The following PGRMC2 variants were observed in gnomAD, a reference collection of about 807,000 sequenced individuals.
PGRMC2 encodes the protein progesterone receptor membrane component 2.
A neutral mutation model predicts 19.3 loss-of-function variants in PGRMC2; 9 were observed. The ratio of observed to expected loss-of-function variants is 0.47; its 90% CI spans 0.28 to 0.81. The LOEUF (loss-of-function observed/expected upper bound fraction) is 0.81, where lower values mean the gene tolerates loss of function less well. PGRMC2 is among the 40% of genes least tolerant of loss of function. The probability of loss-of-function intolerance (pLI) is 0.11; values close to 1 mark genes in which losing one functional copy is unlikely to be tolerated. For missense variants in PGRMC2, 289 were observed against 297.3 expected (o/e 0.97, Z 0.21); for synonymous variants, 157 against 124.6 (o/e 1.26, Z -1.73).
chr4:128,282,805 A>T (rs1208042422), intron 1 of PGRMC2, among the ~76,000 whole-genome samples: 1 of 152,356 alleles, frequency 6.6e-6, no homozygotes, highest in East Asian at 1.9e-4. Context: ...TCTGCAAACT[A>T]AAGTGTTAAA....
At chr4:128,284,605 A>G (rs993128899) in intron 1 of PGRMC2, among the ~76,000 whole-genome samples, 1 of 151,744 alleles carries the variant, frequency 6.6e-6, no homozygotes, top group Non-Finnish European at 1.5e-5. Flanking sequence ...GAACTTTAAA[A>G]ATGTATGACT....
chr4:128,287,544 C>G lies in PGRMC2; in HGVS notation c.247G>C (p.Gly83Arg), dbSNP rs1300786190. Reference protein sequence around the residue: ...VRWGRRGLGAGAGAGEESPAT... With the variant: ...VRWGRRGLGARAGAGEESPAT... ...GGGCTCTCCTCGCCCGCCCCGGCCC[C>G]GGCCCCCAGACCCCGCCGCCCCCAG... The change falls in exon 1 of 3, where the codon GGG becomes CGG. Residue 83 changes from glycine to arginine, a missense_variant. Physicochemically the swap from Gly to Arg is moderately radical, Grantham distance 125. Coordinates refer to ENST00000296425, the MANE Select transcript of PGRMC2 (RefSeq NM_006320.6). The G allele has an allele frequency of 1.3e-6, 2 of 1,546,544 alleles. No homozygotes were observed. Among genetic ancestry groups the G allele is most frequent in the Non-Finnish European group, 1.7e-6 (2 of 1,146,004 alleles).
chr4:128,285,348 C>A (rs538516716), intron 1 of PGRMC2, among the ~76,000 whole-genome samples: 1 of 152,118 alleles, frequency 6.6e-6, no homozygotes, highest in Non-Finnish European at 1.5e-5. Context: ...AGGCTGGTTT[C>A]GAACTCCTGA....
intron 2 of PGRMC2, 68 bp downstream of exon 2, chr4:128,272,294 G>C (rs1007520718): frequency 2.1e-6 from 2 of 956,392 alleles, no homozygotes; most frequent in Non-Finnish European, 2.9e-6. Context: ...CTTAAAGCAT[G>C]TAAAATAGTA....
chr4:128,280,111 A>G (rs1040411209), intron 1 of PGRMC2, among the ~76,000 whole-genome samples: 1 of 152,170 alleles, frequency 6.6e-6, no homozygotes, highest in Admixed American at 6.5e-5. Flanking sequence ...TAATAAGTTC[A>G]CAATAAAAAA....
In PGRMC2 at chr4:128,279,418, T is replaced by C. The variant is rs1412176161; in HGVS notation, c.419-6901A>G. Among the ~76,000 whole-genome samples the C allele has an allele frequency of 3.3e-5, 5 of 152,244 alleles. No individual in the cohort carries two copies. In the East Asian group the frequency reaches 9.6e-4, roughly 29 times the overall value. ...TTAATACCACGTTTTTGGCAAGAAG[T>C]GAGAAACAGGCATTTTCATCAAGTG... On this transcript the variant is annotated intron_variant, in intron 1 of 2. Transcript: ENST00000296425.
chr4:128,285,109 C>T (rs1390035557), intron 1 of PGRMC2, among the ~76,000 whole-genome samples: 1 of 151,912 alleles, frequency 6.6e-6, no homozygotes, highest in African/African-American at 2.4e-5. Flanking sequence ...AAAAAGCAAT[C>T]TACCACCTAT....
At chr4:128,271,465 T>C (rs777433889) in intron 2 of PGRMC2, 52 bp from the exon 3 acceptor site, 1 of 882,332 alleles carries the variant, frequency 1.1e-6, no homozygotes, top group South Asian at 1.4e-5. Flanking sequence ...GTTTCACTAT[T>C]CCATTATACA....
intron 1 of PGRMC2, among the ~76,000 whole-genome samples, chr4:128,280,859 A>C (rs1031064864): frequency 6.6e-6 from 1 of 152,168 alleles, no homozygotes; most frequent in Non-Finnish European, 1.5e-5. Context: ...TTGGTCTCCC[A>C]AAAATGGTAG....
chr4:128,287,548 C>G lies in PGRMC2; in HGVS notation c.243G>C (p.Gly81=). ...LWVRWGRRGL[G]AGAGAGEESP... is the part of the protein sequence containing the mutation. ...TCTCCTCGCCCGCCCCGGCCCCGGC[C>G]CCCAGACCCCGCCGCCCCCAGCGCA... Residue 81 remains glycine, a synonymous_variant, in exon 1 of 3, where the codon GGG becomes GGC. Transcript: ENST00000296425. 1 of 1,539,576 alleles carries G rather than the reference C, an allele frequency of 6.5e-7. No homozygotes were observed.
chr4:128,277,348 G>A (rs572204380), intron 1 of PGRMC2, among the ~76,000 whole-genome samples: 4 of 152,178 alleles, frequency 2.6e-5, no homozygotes, highest in Admixed American at 6.5e-5. Flanking sequence ...GTTAGAATGA[G>A]GTGACATATT....
Position 128,270,551 on chromosome 4 carries a change from G to A in PGRMC2, c.*765C>T, listed in dbSNP as rs1760711970. 1 of 152,276 alleles carries A rather than the reference G, an allele frequency of 6.6e-6. No individual in the cohort carries two copies. Among genetic ancestry groups the A allele is most frequent in the African/African-American group, 2.4e-5 (1 of 41,350 alleles). 9.4% of individuals were successfully genotyped at this position (152,276 alleles called of 1,614,324 possible). On this transcript the variant is annotated 3_prime_UTR_variant, in exon 3 of 3. Coordinates refer to ENST00000296425, the MANE Select transcript of PGRMC2 (RefSeq NM_006320.6). The stretch of plus-strand genomic sequence containing the variant: ...GTAGTGATTTCTGAATTCATTATAG[G>A]GGCTTTCCCTAAAAATAATTCAAGT...
chr4:128,280,145 C>G (rs1443070109), intron 1 of PGRMC2, among the ~76,000 whole-genome samples: 1 of 151,618 alleles, frequency 6.6e-6, no homozygotes, highest in Admixed American at 6.6e-5. Context: ...AAGAAACAAA[C>G]CATCATGGAG....
chr4:128,287,801 C>G lies in PGRMC2; in HGVS notation c.-11G>C, dbSNP rs1463445916. 1 of 1,515,816 alleles carries G rather than the reference C, an allele frequency of 6.6e-7. No individual in the cohort carries two copies. The highest frequency in any genetic ancestry group is 1.4e-5 in the African/African-American group (1 of 73,328). 93.9% of individuals were successfully genotyped at this position (1,515,816 alleles called of 1,614,324 possible). On this transcript the variant is annotated 5_prime_UTR_variant, in exon 1 of 3. Transcript: ENST00000296425. ...ATCACCAGCCGCCATCACTGCCCGC[C>G]AGCGCCTTCCTCCTCCTCCCCGCCC... is the stretch of plus-strand genomic sequence containing the variant.
At chr4:128,286,356 T>G (rs1378412267) in intron 1 of PGRMC2, among the ~76,000 whole-genome samples, 1 of 152,126 alleles carries the variant, frequency 6.6e-6, no homozygotes, top group African/African-American at 2.4e-5. Flanking sequence ...CTGGGGTTTA[T>G]TAACATAATC....
chr4:128,281,865 TAA>T (rs933742115), intron 1 of PGRMC2, among the ~76,000 whole-genome samples: 1 of 152,202 alleles, frequency 6.6e-6, no homozygotes, highest in Non-Finnish European at 1.5e-5. Flanking sequence ...GAAAGCATAG[TAA>T]CAATCTCACT....
chr4:128,273,257 C>T (rs918290680), intron 1 of PGRMC2, among the ~76,000 whole-genome samples: 15 of 152,174 alleles, frequency 9.9e-5, no homozygotes, highest in African/African-American at 3.4e-4. Flanking sequence ...AATAATTCTT[C>T]TGGACTGACA....
At chr4:128,278,183 G>A (rs984722341) in intron 1 of PGRMC2, among the ~76,000 whole-genome samples, 7 of 152,098 alleles carry the variant, frequency 4.6e-5, no homozygotes, top group Non-Finnish European at 1.0e-4. Flanking sequence ...ATTCCAAGGT[G>A]AAAAAATAGT....
chr4:128,271,990 T>G (rs1171704689), intron 2 of PGRMC2, among the ~76,000 whole-genome samples: 1 of 152,274 alleles, frequency 6.6e-6, no homozygotes, highest in African/African-American at 2.4e-5. Flanking sequence ...AGAAGCTGAC[T>G]GTAAGTATCA....
Sources: gnomAD v4.1 joint callset for allele counts (sites outside exome capture counted in the v4.1 genomes callset) on GRCh38, gnomAD v4.1.1 for gene constraint, MANE v1.5 for transcripts, NCBI Gene and HGNC (gene_info 2026-07-23, HGNC 2026-07-21) for gene names.